The following EPHA4 variants were observed in gnomAD, a reference collection of about 807,000 sequenced individuals.
The protein encoded by EPHA4 is EPH receptor A4, also known as ephrin type-A receptor 4.
In EPHA4, 19 loss-of-function variants were observed where a neutral mutation model predicts 108.3. The ratio of observed to expected loss-of-function variants is 0.18; its 90% CI spans 0.12 to 0.26. The LOEUF (loss-of-function observed/expected upper bound fraction) is 0.26. Among genes scored for constraint, EPHA4 ranks in the 10% least tolerant of loss-of-function variants. The pLI is 1.00. For missense variants in EPHA4, 917 were observed against 1,254.0 expected (o/e 0.73, Z 4.06); for synonymous variants, 449 against 455.5 (o/e 0.99, Z 0.18).
At chr2:221,451,723 T>C (rs1360412568) in intron 8 of EPHA4, among the ~76,000 whole-genome samples, 1 of 152,130 alleles carries the variant, frequency 6.6e-6, no homozygotes, top group Non-Finnish European at 1.5e-5. Flanking sequence ...CTACAGAAAA[T>C]ATAAAATTAA....
Position 221,564,134 on chromosome 2 carries a change from G to A in EPHA4, c.420C>T (p.Asn140=). The A allele has an allele frequency of 6.2e-7, 1 of 1,614,118 alleles. No individual in the cohort carries two copies. The highest frequency in any genetic ancestry group is 8.5e-7 in the Non-Finnish European group (1 of 1,180,034). Residue 140 remains asparagine (N), a synonymous_variant, in exon 3 of 18, where the codon AAC becomes AAT. Transcript: ENST00000281821. ...CAATGGTGTCAATTTTGACAAACTG[G>A]TTCTCTCTGATGAAACGCTCTTTGT... is the stretch of plus-strand genomic sequence containing the variant. ...DNDKERFIRE[N]QFVKIDTIAA... is the part of the protein sequence containing the mutation.
At chr2:221,495,022 A>T (rs1207683698) in intron 4 of EPHA4, among the ~76,000 whole-genome samples, 1 of 151,974 alleles carries the variant, frequency 6.6e-6, no homozygotes, top group Non-Finnish European at 1.5e-5. Flanking sequence ...AAAAAAAAAA[A>T]AACTTCTTGC....
At chr2:221,443,085 C>A (rs1229143349) in intron 10 of EPHA4, 71 bp from the exon 11 acceptor site, 1 of 1,485,148 alleles carries the variant, frequency 6.7e-7, no homozygotes, top group Non-Finnish European at 9.2e-7. Flanking sequence ...AGCTAACATT[C>A]CTTGAGTGCT....
chr2:221,543,322 A>G (rs1693893254), intron 3 of EPHA4, among the ~76,000 whole-genome samples: 1 of 152,188 alleles, frequency 6.6e-6, no homozygotes, highest in Admixed American at 6.5e-5. Context: ...ATATTTATTG[A>G]TCTGAAAAGA....
chr2:221,541,529 G>A (rs543406884), intron 3 of EPHA4, among the ~76,000 whole-genome samples: 11 of 152,276 alleles, frequency 7.2e-5, no homozygotes, highest in African/African-American at 2.2e-4. Context: ...ATGTTGAGCC[G>A]GGGAGGCGGA....
chr2:221,432,730 G>A (rs941443647), intron 14 of EPHA4, among the ~76,000 whole-genome samples: 4 of 149,412 alleles, frequency 2.7e-5, no homozygotes, highest in African/African-American at 7.4e-5. Context: ...TGCAACCTCC[G>A]CCTCCCAGGT....
intron 4 of EPHA4, among the ~76,000 whole-genome samples, chr2:221,484,513 G>C (rs1322058684): frequency 3.3e-5 from 5 of 152,116 alleles, no homozygotes; most frequent in African/African-American, 9.7e-5. Flanking sequence ...TTGTATTAAA[G>C]GGAAGATTAC....
At chr2:221,488,139 T>G (rs13002861) in intron 4 of EPHA4, among the ~76,000 whole-genome samples, 63,493 of 151,950 alleles carry the variant, frequency 0.42, 13,352 homozygotes, top group East Asian at 0.53. Context: ...TAACAAATGA[T>G]CATGGCTGTG....
In EPHA4 at chr2:221,456,692, G is replaced by A. The variant is rs753981216; in HGVS notation, c.1524C>T (p.Ser508=). ...TCCTGGCTCGCACGTGGAAAACATA[G>A]GAAGTGAGAGGGTTCAGGCCTTTGA... is the stretch of plus-strand genomic sequence containing the variant. ...TDIKGLNPLT[S]YVFHVRARTA... The change falls in exon 7 of 18, where the codon TCC becomes TCT. Residue 508 remains serine (S), a synonymous_variant. Transcript: ENST00000281821. The A allele has an allele frequency of 6.2e-7, 1 of 1,613,988 alleles. No homozygotes were observed. Among genetic ancestry groups the A allele is most frequent in the Non-Finnish European group, 8.5e-7 (1 of 1,179,906 alleles).
intron 3 of EPHA4, among the ~76,000 whole-genome samples, chr2:221,512,067 T>C (rs1488529449): frequency 6.6e-6 from 1 of 152,166 alleles, no homozygotes; most frequent in Non-Finnish European, 1.5e-5. Flanking sequence ...TAATTTGATT[T>C]TCAATAAATT....
intron 3 of EPHA4, among the ~76,000 whole-genome samples, chr2:221,536,304 C>T (rs1034224927): frequency 6.6e-6 from 1 of 152,146 alleles, no homozygotes; most frequent in Non-Finnish European, 1.5e-5. Flanking sequence ...CTCCCACCCT[C>T]TTGTATTGTA....
chr2:221,468,245 G>A (rs1691373142), intron 5 of EPHA4, among the ~76,000 whole-genome samples: 2 of 151,250 alleles, frequency 1.3e-5, no homozygotes, highest in Admixed American at 1.3e-4. Flanking sequence ...AAAAAAAAAG[G>A]CCCCCCAAAA....
At chr2:221,437,163 G>A (rs768060719) in intron 11 of EPHA4, 41 bp from the exon 12 acceptor site, 17 of 1,448,114 alleles carry the variant, frequency 1.2e-5, no homozygotes, top group Admixed American at 6.8e-5. Flanking sequence ...TTTGATGAGC[G>A]CTGCACTTAA....
At chr2:221,572,508 C>T, upstream of EPHA4, 1 of 134,184 alleles carries the variant, frequency 7.5e-6, no homozygotes, top group East Asian at 8.8e-5. Context: ...AGGGGGCGAG[C>T]ACGGCCGGTC....
rs756893175 is a variant in EPHA4 at position 221,446,081 on chromosome 2, A to G, written c.1774+42T>C. 5.7e-5 allele frequency: 76 copies of G among 1,336,518 alleles called. No individual in the cohort carries two copies. The Admixed American group carries it at 1.7e-3, about 31-fold the overall frequency. 82.8% of individuals were successfully genotyped at this position (1,336,518 alleles called of 1,614,324 possible). On this transcript the variant is annotated intron_variant, in intron 9 of 17. Transcript: ENST00000281821. ...ACATGTTTAAACTAGAAAACGTGTG[A>G]CATGCTCTAAAAATAGAATTTTTTA...
intron 10 of EPHA4, 142 bp from the exon 11 acceptor site, chr2:221,443,156 C>T: frequency 1.2e-6 from 1 of 859,874 alleles, no homozygotes; most frequent in Non-Finnish European, 1.8e-6. Flanking sequence ...ATCCTCCATG[C>T]AACCCTGAAG....
chr2:221,438,568 A>G (rs1000034656), intron 11 of EPHA4, among the ~76,000 whole-genome samples: 4 of 152,130 alleles, frequency 2.6e-5, no homozygotes, highest in Non-Finnish European at 5.9e-5. Context: ...CAGGTGGGTC[A>G]CTTGAGGCAA....
At chr2:221,513,024 G>A (rs886459428) in intron 3 of EPHA4, among the ~76,000 whole-genome samples, 9 of 152,100 alleles carry the variant, frequency 5.9e-5, no homozygotes, top group African/African-American at 1.4e-4. Context: ...AAAACCACCC[G>A]AAAGAAAAGG....
rs1182044888 is a variant in EPHA4, at chr2:221,566,906, A to G, written c.159+1812T>C. On this transcript the variant is annotated intron_variant, in intron 2 of 17. Coordinates refer to ENST00000281821, the MANE Select transcript of EPHA4 (RefSeq NM_004438.5). The stretch of plus-strand genomic sequence containing the variant: ...AAGGAGAAGGAGAAGGAGAAGGAGA[A>G]GGAGAAGGAGAAGGAGAAGGAGAAG... Among the ~76,000 whole-genome samples, 4 of 43,982 alleles carry G rather than the reference A, an allele frequency of 9.1e-5. 1 individual carries two copies. Among genetic ancestry groups the G allele is most frequent in the African/African-American group, 2.8e-4 (2 of 7,052 alleles). 28.9% of individuals were successfully genotyped at this position (43,982 alleles called of 152,430 possible). A position where few individuals can be genotyped will look rare whatever the true frequency, so the allele number is the denominator to read the frequency against.
Sources: gnomAD v4.1 joint callset for allele counts (sites outside exome capture counted in the v4.1 genomes callset) on GRCh38, gnomAD v4.1.1 for gene constraint, MANE v1.5 for transcripts, NCBI Gene and HGNC (gene_info 2026-07-23, HGNC 2026-07-21) for gene names.